Variants in C8orf34 observed in about 807,000 individuals in gnomAD.
C8orf34 encodes the protein uncharacterized protein C8orf34.
A neutral mutation model predicts 68.3 loss-of-function variants in C8orf34; 65 were observed. The observed-to-expected ratio is 0.95, with a 90% CI of 0.78 to 1.17. The LOEUF (loss-of-function observed/expected upper bound fraction) is 1.17, where lower values mean the gene tolerates loss of function less well. Among genes scored for constraint, C8orf34 ranks in the 50% most tolerant of loss-of-function variants. The probability of loss-of-function intolerance (pLI) is 0.00; values close to 1 mark genes in which losing one functional copy is unlikely to be tolerated. For synonymous variants in C8orf34, 244 were observed against 241.2 expected (o/e 1.01, Z -0.11); for missense variants, 664 against 655.4 (o/e 1.01, Z -0.14).
intron 8 of C8orf34, among the ~76,000 whole-genome samples, chr8:68,643,594 G>T (rs751078009): frequency 1.3e-4 from 20 of 152,130 alleles, no homozygotes; most frequent in Admixed American, 3.3e-4. Context: ...CTCATAGATG[G>T]CTGTCTTCTC....
intron 10 of C8orf34, among the ~76,000 whole-genome samples, chr8:68,732,583 T>G (rs1384834154): frequency 3.3e-5 from 5 of 152,202 alleles, no homozygotes; most frequent in Admixed American, 6.5e-5. Context: ...TTTAATGTTA[T>G]AATAGCTTTT....
intron 4 of C8orf34, among the ~76,000 whole-genome samples, chr8:68,476,084 G>T (rs987711766): frequency 6.6e-6 from 1 of 152,216 alleles, no homozygotes. Flanking sequence ...ACAGACTAAG[G>T]AGTGATAGAA....
Position 68,773,612 on chromosome 8 carries a change from C to A in C8orf34, c.1405-2787C>A, listed in dbSNP as rs114231284. ...ACGAGGTTTCACCATGTTGGCCAGG[C>A]TGACCTCAAGTAATCCACCTGCCTC... On this transcript the variant is annotated intron_variant, in intron 10 of 13. Coordinates refer to ENST00000518698, the MANE Select transcript of C8orf34 (RefSeq NM_052958.4). Among the ~76,000 whole-genome samples, 1,241 of 152,084 alleles carry A rather than the reference C, an allele frequency of 8.2e-3. 14 individuals are homozygous for A. Among genetic ancestry groups the A allele is most frequent in the African/African-American group, 0.029 (1,195 of 41,514 alleles).
intron 12 of C8orf34, among the ~76,000 whole-genome samples, chr8:68,806,020 CT>C (rs1824470744): frequency 6.6e-6 from 1 of 151,300 alleles, no homozygotes; most frequent in African/African-American, 2.4e-5. Flanking sequence ...GATAGTTGTT[CT>C]TGAGATTGCA....
intron 7 of C8orf34, among the ~76,000 whole-genome samples, chr8:68,542,088 TC>T (rs973188140): frequency 6.6e-6 from 1 of 152,194 alleles, no homozygotes; most frequent in African/African-American, 2.4e-5. Flanking sequence ...GTTACTTGTC[TC>T]CCTGATTTAT....
chr8:68,630,260 T>C (rs901095867), intron 7 of C8orf34, among the ~76,000 whole-genome samples: 5 of 152,122 alleles, frequency 3.3e-5, no homozygotes, highest in African/African-American at 1.2e-4. Context: ...TTAATTTTAA[T>C]AGCACATTTT....
chr8:68,429,939 T>A (rs2129624677), intron 1 of C8orf34, among the ~76,000 whole-genome samples: 1 of 152,208 alleles, frequency 6.6e-6, no homozygotes, highest in Admixed American at 6.5e-5. Context: ...CCCTTGGAAT[T>A]TTCTCATGAT....
chr8:68,392,779 G>C (rs2129620806), intron 1 of C8orf34, among the ~76,000 whole-genome samples: 1 of 152,190 alleles, frequency 6.6e-6, no homozygotes. Flanking sequence ...GTAGGGACTA[G>C]AGTCCTATTT....
intron 4 of C8orf34, among the ~76,000 whole-genome samples, chr8:68,476,435 G>C (rs949049314): frequency 9.9e-5 from 15 of 152,180 alleles, no homozygotes; most frequent in African/African-American, 3.6e-4. Context: ...CTGGAAGAGA[G>C]AAGCATGTGT....
Position 68,340,402 on chromosome 8 carries a change from A to G in C8orf34, c.327+9063A>G, listed in dbSNP as rs115058158. ...GGAAAATGAGATGAAATAAGCAGAA[A>G]TTTATTTTCTGAAAGATTAATAAAA... On this transcript the variant is annotated intron_variant, in intron 1 of 13. Transcript: ENST00000518698. Among the ~76,000 whole-genome samples, 1,197 of 152,300 alleles carry G rather than the reference A, an allele frequency of 7.9e-3. 19 individuals carry two copies. The highest frequency in any genetic ancestry group is 0.026 in the African/African-American group (1,101 of 41,564).
chr8:68,487,935 C>G, intron 4 of C8orf34, 88 bp from the exon 5 acceptor site: 1 of 859,030 alleles, frequency 1.2e-6, no homozygotes, highest in South Asian at 1.6e-5. Context: ...AAATGCACTA[C>G]TTTTACAAAT....
intron 7 of C8orf34, among the ~76,000 whole-genome samples, chr8:68,615,268 G>T (rs1199759636): frequency 1.3e-5 from 2 of 150,394 alleles, no homozygotes; most frequent in Non-Finnish European, 3.0e-5. Context: ...TTTCCTAATT[G>T]AATACCCTTT....
At chr8:68,555,017 C>A (rs1816207934) in intron 7 of C8orf34, among the ~76,000 whole-genome samples, 2 of 152,028 alleles carry the variant, frequency 1.3e-5, no homozygotes, top group Non-Finnish European at 2.9e-5. Flanking sequence ...TTTATTTTGC[C>A]ACTTTTTTAT....
chr8:68,395,292 A>G (rs1028954517), intron 1 of C8orf34, among the ~76,000 whole-genome samples: 1 of 151,074 alleles, frequency 6.6e-6, no homozygotes, highest in African/African-American at 2.4e-5. Context: ...AAAATATATT[A>G]TGTTTGTTTC....
At chr8:68,590,857 T>C (rs905004210) in intron 7 of C8orf34, among the ~76,000 whole-genome samples, 8 of 152,142 alleles carry the variant, frequency 5.3e-5, no homozygotes, top group African/African-American at 1.7e-4. Flanking sequence ...GGATGGGCCT[T>C]GGACCAGCTG....
chr8:68,772,509 G>A (rs1447321396), intron 10 of C8orf34, among the ~76,000 whole-genome samples: 2 of 152,094 alleles, frequency 1.3e-5, no homozygotes, highest in African/African-American at 2.4e-5. Flanking sequence ...CATGCCATAC[G>A]TTAAGCAGTA....
chr8:68,744,852 G>A (rs1440529075), intron 10 of C8orf34, among the ~76,000 whole-genome samples: 2 of 152,116 alleles, frequency 1.3e-5, no homozygotes, highest in Non-Finnish European at 2.9e-5. Context: ...TAGCAAGGCA[G>A]GCCAACATTC....
chr8:68,785,416 CTGTT>C (rs34418414), intron 11 of C8orf34, among the ~76,000 whole-genome samples: 69,940 of 151,420 alleles, frequency 0.46, 18,627 homozygotes, highest in African/African-American at 0.74. Flanking sequence ...ATTTACTTTA[CTGTT>C]TGTTCATTTC....
At chr8:68,497,755 G>C (rs190024950) in intron 5 of C8orf34, among the ~76,000 whole-genome samples, 48 of 151,836 alleles carry the variant, frequency 3.2e-4, no homozygotes, top group African/African-American at 1.0e-3. Context: ...GGAAGGGAGA[G>C]AAATGTGTTC....
Sources: allele counts gnomAD v4.1 joint callset (sites outside exome capture counted in the v4.1 genomes callset), GRCh38; gene constraint gnomAD v4.1.1; transcripts MANE v1.5; gene names NCBI Gene and HGNC (gene_info 2026-07-23, HGNC 2026-07-21).